The following CLCN4 variants were observed in gnomAD, a reference collection of about 807,000 sequenced individuals.
The protein encoded by CLCN4 is Cl-/H+ antiporter 4.
CLCN4 carries 1 observed loss-of-function variant against 41.7 expected under a neutral mutation model. The observed-to-expected ratio is 0.02, with a 90% CI of 0.01 to 0.11. The LOEUF (loss-of-function observed/expected upper bound fraction) is 0.11. CLCN4 is among the 10% of genes least tolerant of loss of function. CLCN4 has a pLI of 1.00. For synonymous variants in CLCN4, 277 were observed against 285.8 expected (o/e 0.97, Z 0.31); for missense variants, 287 against 661.0 (o/e 0.43, Z 6.20).
At chrX:10,212,119 A>G (rs986203731) in intron 9 of CLCN4, among the ~76,000 whole-genome samples, 1 of 112,280 alleles carries the variant, frequency 8.9e-6, no homozygotes, top group African/African-American at 3.2e-5. Flanking sequence ...TGACATGGCA[A>G]GGGGCGAGAG....
intron 12 of CLCN4, among the ~76,000 whole-genome samples, chrX:10,231,508 A>G (rs1433238040): frequency 9.0e-6 from 1 of 110,989 alleles, no homozygotes; most frequent in Non-Finnish European, 1.9e-5. Flanking sequence ...TTGTTTTTTT[A>G]ATGAGAGATT....
chrX:10,220,037 C>G (rs1463795529), intron 11 of CLCN4, among the ~76,000 whole-genome samples: 2 of 111,440 alleles, frequency 1.8e-5, no homozygotes, highest in African/African-American at 6.5e-5. Context: ...GAGGGATCCA[C>G]AAAATGGCCC....
intron 6 of CLCN4, among the ~76,000 whole-genome samples, chrX:10,205,629 A>T (rs1924367729): frequency 2.0e-5 from 2 of 101,003 alleles, no homozygotes; most frequent in South Asian, 9.6e-4. Context: ...TTTTTTTGAA[A>T]CAGGATCTTG....
chrX:10,181,365 GAAAGAAAA>G (rs1254405555), intron 2 of CLCN4, among the ~76,000 whole-genome samples: 1 of 62,877 alleles, frequency 1.6e-5, no homozygotes. Flanking sequence ...AAAAAAAAAA[GAAAGAAAA>G]GAAAGAAAAA....
chrX:10,207,371 A>C (rs969611621), intron 8 of CLCN4, among the ~76,000 whole-genome samples: 1 of 112,196 alleles, frequency 8.9e-6, no homozygotes, highest in African/African-American at 3.2e-5. Flanking sequence ...GGGTTGGCAA[A>C]CGTTTCTGTA....
At chrX:10,220,602 G>A in intron 11 of CLCN4, 59 bp from the exon 12 acceptor site, 3 of 911,654 alleles carry the variant, frequency 3.3e-6, no homozygotes, top group Non-Finnish European at 4.8e-6. Flanking sequence ...GTGTGGGGTG[G>A]GGAATTGCTC....
chrX:10,195,161 T>C, intron 5 of CLCN4, 63 bp downstream of exon 5: 1 of 1,053,155 alleles, frequency 9.5e-7, no homozygotes, highest in South Asian at 2.0e-5. Context: ...TTGGGAATGC[T>C]GCTGGGAGAT....
intron 4 of CLCN4, among the ~76,000 whole-genome samples, chrX:10,194,314 A>G (rs1394215658): frequency 2.7e-5 from 3 of 112,163 alleles, no homozygotes; most frequent in Non-Finnish European, 3.8e-5. Context: ...TCAACTGCAC[A>G]TTCCGTTTTC....
intron 4 of CLCN4, among the ~76,000 whole-genome samples, chrX:10,190,985 C>T (rs1923944981): frequency 1.8e-5 from 2 of 112,220 alleles, no homozygotes; most frequent in Non-Finnish European, 3.8e-5. Flanking sequence ...CCTCCCTCAC[C>T]TGCTCTATGG....
chrX:10,185,410 T>A (rs970189815), intron 3 of CLCN4, among the ~76,000 whole-genome samples: 1 of 111,031 alleles, frequency 9.0e-6, no homozygotes, highest in African/African-American at 3.3e-5. Flanking sequence ...GGAGGGGACT[T>A]TGCAGGTGCC....
At chrX:10,178,660 C>T (rs1285975143) in intron 2 of CLCN4, among the ~76,000 whole-genome samples, 2 of 111,709 alleles carry the variant, frequency 1.8e-5, no homozygotes, top group Non-Finnish European at 3.8e-5. Flanking sequence ...GACTTCGCCC[C>T]CATTTTCCTG....
rs1925266511 is a variant in CLCN4, at chrX:10,236,859, C to T, written c.*3275C>T. 1 of 111,411 alleles carries T rather than the reference C, an allele frequency of 9.0e-6. No homozygotes were observed. The highest frequency in any genetic ancestry group is 1.9e-5 in the Non-Finnish European group (1 of 53,108). 9.2% of individuals were successfully genotyped at this position (111,411 alleles called of 1,213,427 possible). ...AGGAGCTCTTTCATGATATACATCA[C>T]ATGTTTCTTGCTCTCACTGAGGAAA... On this transcript the variant is annotated 3_prime_UTR_variant, in exon 13 of 13. Transcript: ENST00000380833.
chrX:10,176,435 A>G (rs1322055369), intron 2 of CLCN4, among the ~76,000 whole-genome samples: 1 of 112,835 alleles, frequency 8.9e-6, no homozygotes, highest in Non-Finnish European at 1.9e-5. Flanking sequence ...AATGGAGACT[A>G]TATGGCATAT....
At chrX:10,176,611 T>C (rs1923539022) in intron 2 of CLCN4, among the ~76,000 whole-genome samples, 1 of 111,984 alleles carries the variant, frequency 8.9e-6, no homozygotes, top group African/African-American at 3.2e-5. Context: ...GTTTCTACCC[T>C]GCCCACGCTG....
At chrX:10,204,167 A>G (rs1924311600) in intron 6 of CLCN4, among the ~76,000 whole-genome samples, 1 of 112,123 alleles carries the variant, frequency 8.9e-6, no homozygotes, top group African/African-American at 3.2e-5. Context: ...GAAGTTAATC[A>G]CTGTGATAGG....
At chrX:10,175,311 G>T (rs1178474012) in intron 2 of CLCN4, among the ~76,000 whole-genome samples, 4 of 111,452 alleles carry the variant, frequency 3.6e-5, no homozygotes, top group African/African-American at 1.3e-4. Context: ...GGAGTTACAG[G>T]TTGGAGGAGA....
At chrX:10,184,772 T>A (rs946548584) in intron 2 of CLCN4, among the ~76,000 whole-genome samples, 3 of 112,107 alleles carry the variant, frequency 2.7e-5, no homozygotes, top group Non-Finnish European at 3.8e-5. Context: ...CCAAAGATTT[T>A]GCAGGAACTT....
chrX:10,209,352 T>C (rs1924485431), intron 9 of CLCN4, among the ~76,000 whole-genome samples: 1 of 78,342 alleles, frequency 1.3e-5, no homozygotes, highest in Non-Finnish European at 2.3e-5. Context: ...CCTTTTCCCT[T>C]TCCTCTTCCC....
At chrX:10,213,332 T>TGTTTATGGG (rs1924616556) in intron 10 of CLCN4, among the ~76,000 whole-genome samples, 1 of 112,389 alleles carries the variant, frequency 8.9e-6, no homozygotes, top group Non-Finnish European at 1.9e-5. Flanking sequence ...TGTGATATTC[T>TGTTTATGGG]GTTTATGGGG....
Sources: gnomAD v4.1 joint callset for allele counts (sites outside exome capture counted in the v4.1 genomes callset) on GRCh38, gnomAD v4.1.1 for gene constraint, MANE v1.5 for transcripts, NCBI Gene and HGNC (gene_info 2026-07-23, HGNC 2026-07-21) for gene names.